KIAA0319L: variants seen among roughly 807,000 people sequenced by gnomAD.
KIAA0319L encodes the protein dyslexia-associated protein KIAA0319-like protein.
Under a neutral mutation model 120.1 loss-of-function variants are expected in KIAA0319L, and 55 were observed. That is an observed-to-expected ratio of 0.46 (90% CI 0.37 to 0.57). The LOEUF (loss-of-function observed/expected upper bound fraction) is 0.57, where lower values mean the gene tolerates loss of function less well. Ranked by LOEUF, KIAA0319L falls within the 20% of genes least tolerant of loss-of-function variation. The probability of loss-of-function intolerance (pLI) is 0.00; values close to 1 mark genes in which losing one functional copy is unlikely to be tolerated. For synonymous variants in KIAA0319L, 398 were observed against 471.9 expected (o/e 0.84, Z 2.03); for missense variants, 1,049 against 1,255.3 (o/e 0.84, Z 2.48).
At chr1:35,499,987 G>A (rs570737261) in intron 3 of KIAA0319L, among the ~76,000 whole-genome samples, 1 of 152,280 alleles carries the variant, frequency 6.6e-6, no homozygotes, top group East Asian at 1.9e-4. Flanking sequence ...GAAGGCAGCA[G>A]ATGGCTATCT....
chr1:35,458,157 C>T (rs576556737), intron 9 of KIAA0319L, among the ~76,000 whole-genome samples: 6 of 152,086 alleles, frequency 3.9e-5, no homozygotes, highest in South Asian at 2.1e-4. Flanking sequence ...AGGCTGGTCT[C>T]GATCTCCTGA....
At chr1:35,463,988 A>G (rs902806491) in intron 7 of KIAA0319L, among the ~76,000 whole-genome samples, 5 of 152,078 alleles carry the variant, frequency 3.3e-5, no homozygotes, top group Non-Finnish European at 7.4e-5. Context: ...GCCTTCTGCC[A>G]TGGTTGTGAG....
At chr1:35,485,192 T>C (rs974538666) in intron 3 of KIAA0319L, among the ~76,000 whole-genome samples, 5 of 152,162 alleles carry the variant, frequency 3.3e-5, no homozygotes, top group Admixed American at 2.0e-4. Flanking sequence ...CTATCGATTG[T>C]TTTATTTACC....
intron 6 of KIAA0319L, among the ~76,000 whole-genome samples, chr1:35,468,524 G>A (rs1245174588): frequency 1.3e-5 from 2 of 152,106 alleles, no homozygotes; most frequent in Non-Finnish European, 2.9e-5. Flanking sequence ...ATGTCTCACA[G>A]GTACCTCAAA....
chr1:35,479,966 A>AAACC (rs1553203228), intron 3 of KIAA0319L, among the ~76,000 whole-genome samples: 5 of 130,810 alleles, frequency 3.8e-5, no homozygotes, highest in African/African-American at 1.6e-4. Context: ...AAAAAAAAAA[A>AAACC]AAAAAACACA....
At chr1:35,456,903 A>AAG (rs1642501528) in intron 9 of KIAA0319L, among the ~76,000 whole-genome samples, 1 of 117,486 alleles carries the variant, frequency 8.5e-6, no homozygotes, top group African/African-American at 3.8e-5. Flanking sequence ...AGGGAGGGAA[A>AAG]GAAGGAAGGA....
chr1:35,555,979 G>T (rs540772585), intron 1 of KIAA0319L, among the ~76,000 whole-genome samples: 2 of 152,218 alleles, frequency 1.3e-5, no homozygotes, highest in African/African-American at 4.8e-5. Context: ...TCATTCCTCT[G>T]AAACCTATAA....
chr1:35,524,889 A>G (rs1377898941), intron 2 of KIAA0319L, among the ~76,000 whole-genome samples: 1 of 152,222 alleles, frequency 6.6e-6, no homozygotes, highest in Non-Finnish European at 1.5e-5. Flanking sequence ...TATACAATAC[A>G]TTGTTGTTAA....
intron 3 of KIAA0319L, among the ~76,000 whole-genome samples, chr1:35,502,150 C>G (rs944151054): frequency 1.3e-5 from 2 of 151,522 alleles, no homozygotes; most frequent in African/African-American, 4.9e-5. Context: ...GTGCCACACC[C>G]CTGTGGTACC....
chr1:35,550,000 C>T (rs532605686), intron 2 of KIAA0319L, among the ~76,000 whole-genome samples: 1 of 152,318 alleles, frequency 6.6e-6, no homozygotes, highest in Admixed American at 6.5e-5. Flanking sequence ...TATTTGTCTC[C>T]AGATGAGAAT....
Position 35,482,410 on chromosome 1 carries a change from A to T in KIAA0319L, c.667-3198T>A, listed in dbSNP as rs917255936. Among the ~76,000 whole-genome samples the T allele has an allele frequency of 2.0e-5, 3 of 150,718 alleles. No homozygotes were observed. In the Middle Eastern group the frequency reaches 0.01, roughly 527 times the overall value. On this transcript the variant is annotated intron_variant, in intron 3 of 20. Coordinates refer to ENST00000325722, the MANE Select transcript of KIAA0319L (RefSeq NM_024874.5). ...TTTGGCTATTACAAATCAAGCTGTT[A>T]TAACCACTCATCTACAGGTCTTTTT...
At chr1:35,501,755 G>A (rs1645013920) in intron 3 of KIAA0319L, among the ~76,000 whole-genome samples, 1 of 152,076 alleles carries the variant, frequency 6.6e-6, no homozygotes, top group Admixed American at 6.6e-5. Flanking sequence ...GCTCATGCCT[G>A]TAGTCCCAGC....
intron 3 of KIAA0319L, among the ~76,000 whole-genome samples, chr1:35,496,760 A>G (rs574796957): frequency 6.6e-6 from 1 of 152,218 alleles, no homozygotes; most frequent in South Asian, 2.1e-4. Context: ...CCTGGCCAAC[A>G]TGGTGAAAAC....
intron 2 of KIAA0319L, among the ~76,000 whole-genome samples, chr1:35,547,166 TATA>T (rs1647014731): frequency 1.4e-5 from 2 of 146,552 alleles, no homozygotes; most frequent in Admixed American, 6.8e-5. Flanking sequence ...TATAATTACA[TATA>T]ATTATACATA....
intron 2 of KIAA0319L, among the ~76,000 whole-genome samples, chr1:35,541,817 C>T (rs1646805448): frequency 6.6e-6 from 1 of 152,158 alleles, no homozygotes; most frequent in Admixed American, 6.5e-5. Context: ...AAGGTGGAGT[C>T]GTGGCAGCAG....
In KIAA0319L at chr1:35,460,449, A is replaced by C. The variant is rs1328201800; in HGVS notation, c.1295-12T>G. 6.2e-7 allele frequency: 1 copy of C among 1,610,932 alleles called. No individual in the cohort carries two copies. Among genetic ancestry groups the C allele is most frequent in the East Asian group, 2.2e-5 (1 of 44,824 alleles). On this transcript the variant is annotated splice_polypyrimidine_tract_variant and intron_variant, in intron 8 of 20. Transcript: ENST00000325722. ...ATCATCAGTGCTTTCTTGACCATAA[A>C]GAAACATCAGTTACAACATGAGAAC... is the stretch of plus-strand genomic sequence containing the variant.
At chr1:35,464,161 C>T (rs1643094433) in intron 7 of KIAA0319L, among the ~76,000 whole-genome samples, 1 of 152,118 alleles carries the variant, frequency 6.6e-6, no homozygotes, top group Non-Finnish European at 1.5e-5. Flanking sequence ...AATGTGGAAG[C>T]AACTTTGCAA....
chr1:35,462,589 T>C, intron 8 of KIAA0319L, 32 bp downstream of exon 8: 1 of 1,530,418 alleles, frequency 6.5e-7, no homozygotes, highest in Non-Finnish European at 9.1e-7. Context: ...GTGAATGTTC[T>C]TCTAAAACAT....
chr1:35,533,365 G>A (rs1646447147), intron 2 of KIAA0319L: 1 of 151,948 alleles, frequency 6.6e-6, no homozygotes. Flanking sequence ...TAAGAGTAGA[G>A]AGAATGAGCT....
Sources: allele counts gnomAD v4.1 joint callset (sites outside exome capture counted in the v4.1 genomes callset), GRCh38; gene constraint gnomAD v4.1.1; transcripts MANE v1.5; gene names NCBI Gene and HGNC (gene_info 2026-07-23, HGNC 2026-07-21).